The following TEX9 variants were observed in gnomAD, a reference collection of about 807,000 sequenced individuals.
The protein encoded by TEX9 is testis-expressed protein 9.
A neutral mutation model predicts 59.6 loss-of-function variants in TEX9; 74 were observed. That is an observed-to-expected ratio of 1.24 (90% CI 1.03 to 1.51). The LOEUF (loss-of-function observed/expected upper bound fraction) is 1.51. TEX9 is among the 40% of genes most tolerant of loss of function. The probability of loss-of-function intolerance (pLI) is 0.00; values close to 1 mark genes in which losing one functional copy is unlikely to be tolerated. For synonymous variants in TEX9, 186 were observed against 152.2 expected (o/e 1.22, Z -1.64); for missense variants, 522 against 447.8 (o/e 1.17, Z -1.49).
intron 1 of TEX9, among the ~76,000 whole-genome samples, chr15:56,253,208 C>G (rs1285425766): frequency 6.6e-6 from 1 of 152,134 alleles, no homozygotes; most frequent in Non-Finnish European, 1.5e-5. Context: ...CATTCAAACT[C>G]TGCGTGTTTG....
At chr15:56,307,156 G>A (rs2045503188) in intron 1 of TEX9, among the ~76,000 whole-genome samples, 1 of 152,148 alleles carries the variant, frequency 6.6e-6, no homozygotes, top group Non-Finnish European at 1.5e-5. Context: ...AAATCAAGCT[G>A]GCAGCCTAAT....
intron 1 of TEX9, among the ~76,000 whole-genome samples, chr15:56,270,544 T>C (rs1428147025): frequency 6.6e-6 from 1 of 151,888 alleles, no homozygotes; most frequent in Admixed American, 6.6e-5. Context: ...TGTGTGTCTC[T>C]GCATGTGAAT....
intron 10 of TEX9, among the ~76,000 whole-genome samples, chr15:56,420,229 AT>A (rs1352787203): frequency 4.0e-5 from 6 of 148,846 alleles, no homozygotes; most frequent in African/African-American, 1.5e-4. Context: ...CTGATTTTTT[AT>A]TTTTTTTATT....
chr15:56,340,286 G>A (rs569625128), intron 1 of TEX9, among the ~76,000 whole-genome samples: 1 of 152,260 alleles, frequency 6.6e-6, no homozygotes, highest in Non-Finnish European at 1.5e-5. Context: ...TGACCATTAG[G>A]TGGGTCAATA....
chr15:56,416,163 C>A (rs769187535), intron 10 of TEX9, among the ~76,000 whole-genome samples: 2 of 151,790 alleles, frequency 1.3e-5, no homozygotes, highest in African/African-American at 4.9e-5. Flanking sequence ...AGAATTACGC[C>A]GTCTGCAAAC....
chr15:56,424,974 G>C (rs1327014345), intron 10 of TEX9, among the ~76,000 whole-genome samples: 2 of 152,086 alleles, frequency 1.3e-5, no homozygotes, highest in African/African-American at 4.8e-5. Context: ...ATCTAGGAAT[G>C]TCTTAATTTC....
intron 10 of TEX9, among the ~76,000 whole-genome samples, chr15:56,424,976 C>A (rs1383884838): frequency 6.6e-6 from 1 of 152,004 alleles, no homozygotes; most frequent in African/African-American, 2.4e-5. Context: ...CTAGGAATGT[C>A]TTAATTTCTT....
the TEX9 span, among the ~76,000 whole-genome samples, chr15:56,456,702 T>G: frequency 6.6e-6 from 1 of 152,136 alleles, no homozygotes; most frequent in Non-Finnish European, 1.5e-5. Context: ...CATGGAAAAT[T>G]TCAAGTATTG....
intron 1 of TEX9, among the ~76,000 whole-genome samples, chr15:56,355,499 C>T (rs186225850): frequency 7.2e-5 from 11 of 152,268 alleles, no homozygotes; most frequent in African/African-American, 2.6e-4. Context: ...TTTATCAGCA[C>T]TAAACCATCT....
At chr15:56,392,792 G>T (rs2048279689) in intron 7 of TEX9, among the ~76,000 whole-genome samples, 2 of 152,114 alleles carry the variant, frequency 1.3e-5, no homozygotes, top group African/African-American at 2.4e-5. Flanking sequence ...ATGCTTTAGA[G>T]GATGTGATGC....
intron 9 of TEX9, among the ~76,000 whole-genome samples, chr15:56,405,348 T>C (rs1199769836): frequency 6.6e-6 from 1 of 151,388 alleles, no homozygotes; most frequent in Non-Finnish European, 1.5e-5. Context: ...GTTTGTTGGT[T>C]AAGCAAATTA....
chr15:56,455,260 A>C, the TEX9 span, among the ~76,000 whole-genome samples: 7 of 151,474 alleles, frequency 4.6e-5, no homozygotes, highest in Non-Finnish European at 8.9e-5. Context: ...AAAAAAAAAA[A>C]AAAAAAAAAA....
intron 1 of TEX9, among the ~76,000 whole-genome samples, chr15:56,293,224 G>A (rs917206521): frequency 2.0e-5 from 3 of 152,004 alleles, no homozygotes; most frequent in Admixed American, 1.3e-4. Flanking sequence ...GTAGTCTCAG[G>A]TACTCAGGAG....
At chr15:56,266,495 G>A (rs1360895296) in intron 1 of TEX9, among the ~76,000 whole-genome samples, 11 of 104,104 alleles carry the variant, frequency 1.1e-4, no homozygotes, top group Non-Finnish European at 1.4e-4. Context: ...CCCAATGACA[G>A]GCCCCGGTGT....
chr15:56,261,175 C>CT (rs2044256429), intron 1 of TEX9, among the ~76,000 whole-genome samples: 1 of 151,792 alleles, frequency 6.6e-6, no homozygotes, highest in Admixed American at 6.6e-5. Context: ...TTAAAAAAAG[C>CT]TTTGGCTTTG....
At chr15:56,414,012 G>A (rs1392287207) in intron 10 of TEX9, among the ~76,000 whole-genome samples, 1 of 151,804 alleles carries the variant, frequency 6.6e-6, no homozygotes. Flanking sequence ...AAGTTAGGAA[G>A]TCATCTTTAT....
chr15:56,320,823 C>T (rs529101181), intron 1 of TEX9, among the ~76,000 whole-genome samples: 1 of 152,166 alleles, frequency 6.6e-6, no homozygotes, highest in Non-Finnish European at 1.5e-5. Flanking sequence ...TCATACTGGT[C>T]TAATACTAAA....
chr15:56,412,539 C>G (rs186723625), intron 10 of TEX9, 103 bp downstream of exon 10: 4 of 1,229,948 alleles, frequency 3.3e-6, no homozygotes, highest in Non-Finnish European at 4.5e-6. Flanking sequence ...TGATGTCATG[C>G]TGAACATTTC....
intron 10 of TEX9, among the ~76,000 whole-genome samples, chr15:56,426,398 G>A (rs185003087): frequency 6.6e-6 from 1 of 151,206 alleles, no homozygotes; most frequent in Non-Finnish European, 1.5e-5. Flanking sequence ...TCTTAGTTAG[G>A]CAGTCTCTTG....
Sources: gnomAD v4.1 joint callset for allele counts (sites outside exome capture counted in the v4.1 genomes callset) on GRCh38, gnomAD v4.1.1 for gene constraint, MANE v1.5 for transcripts, NCBI Gene and HGNC (gene_info 2026-07-23, HGNC 2026-07-21) for gene names.